DGLUCY: variants seen among roughly 807,000 people sequenced by gnomAD.
The protein encoded by DGLUCY is D-glutamate cyclase, mitochondrial.
In DGLUCY, 58 loss-of-function variants were observed where a neutral mutation model predicts 58.5. The ratio of observed to expected loss-of-function variants is 0.99; its 90% CI spans 0.80 to 1.23. The LOEUF is 1.23. Among genes scored for constraint, DGLUCY ranks in the 50% most tolerant of loss-of-function variants. The pLI is 0.00. For missense variants in DGLUCY, 779 were observed against 784.7 expected (o/e 0.99, Z 0.09); for synonymous variants, 325 against 314.1 (o/e 1.03, Z -0.37).
chr14:91,138,872 T>C (rs1286960000), intron 1 of DGLUCY, among the ~76,000 whole-genome samples: 1 of 152,096 alleles, frequency 6.6e-6, no homozygotes, highest in Non-Finnish European at 1.5e-5. Flanking sequence ...CTAAGTTATA[T>C]TGGCCTTCGA....
At chr14:91,189,328 C>T (rs982163040) in intron 9 of DGLUCY, among the ~76,000 whole-genome samples, 158 bp downstream of exon 9, 1 of 152,216 alleles carries the variant, frequency 6.6e-6, no homozygotes, top group African/African-American at 2.4e-5. Context: ...GAGACTGAGG[C>T]TCTGAGAGAT....
intron 1 of DGLUCY, among the ~76,000 whole-genome samples, chr14:91,121,920 C>T (rs1333176296): frequency 1.3e-5 from 2 of 152,122 alleles, no homozygotes; most frequent in African/African-American, 4.8e-5. Flanking sequence ...CATGTCTGCT[C>T]ATCTGTTTAT....
At chr14:91,149,077 G>A (rs923795271) in intron 1 of DGLUCY, among the ~76,000 whole-genome samples, 2 of 151,936 alleles carry the variant, frequency 1.3e-5, no homozygotes, top group African/African-American at 2.4e-5. Context: ...GAGAAACCCC[G>A]TCTCTACTAA....
intron 9 of DGLUCY, among the ~76,000 whole-genome samples, chr14:91,194,317 G>A (rs2050078876): frequency 6.6e-6 from 1 of 152,164 alleles, no homozygotes; most frequent in African/African-American, 2.4e-5. Flanking sequence ...TTGGCTCTAA[G>A]TTCAGCCCCC....
chr14:91,113,199 C>T (rs1030117967), upstream of DGLUCY, among the ~76,000 whole-genome samples: 2 of 152,132 alleles, frequency 1.3e-5, no homozygotes, highest in Non-Finnish European at 2.9e-5. Flanking sequence ...ACTGGGGAGG[C>T]TGAGGCAGAA....
chr14:91,188,553 T>C (rs1467424661), intron 8 of DGLUCY, among the ~76,000 whole-genome samples: 1 of 152,198 alleles, frequency 6.6e-6, no homozygotes, highest in Non-Finnish European at 1.5e-5. Flanking sequence ...TGGCTGGGTG[T>C]GGTGGCTCAC....
chr14:91,155,836 G>T (rs1595782728), intron 1 of DGLUCY, among the ~76,000 whole-genome samples: 1 of 150,412 alleles, frequency 6.6e-6, no homozygotes, highest in Non-Finnish European at 1.5e-5. Flanking sequence ...CAAAAGAGCA[G>T]AAAGCCTCTC....
rs192883980 is a variant in DGLUCY at position 91,084,837 on chromosome 14, C to G, written c.-82+24133C>G. ...CTCCTGCCTGCACTTCCGTTTTGTA[C>G]TCATGATGCTTATTTTTGTGTGTCA... On this transcript the variant is annotated intron_variant, in intron 1 of 4. Transcript: ENST00000521334. Among the ~76,000 whole-genome samples the G allele has an allele frequency of 2.2e-3, 336 of 152,284 alleles. 2 individuals are homozygous for G. The highest frequency in any genetic ancestry group is 3.8e-3 in the Non-Finnish European group (260 of 68,022).
chr14:91,144,257 T>G (rs540981661), intron 1 of DGLUCY, among the ~76,000 whole-genome samples: 2 of 152,234 alleles, frequency 1.3e-5, no homozygotes, highest in South Asian at 4.1e-4. Context: ...ATTTATCAGG[T>G]AACTATATAA....
intron 9 of DGLUCY, among the ~76,000 whole-genome samples, chr14:91,193,111 G>A (rs559527062): frequency 1.8e-4 from 27 of 152,296 alleles, no homozygotes; most frequent in Admixed American, 3.9e-4. Flanking sequence ...CCTGTGTTAA[G>A]AGGATGAGGA....
chr14:91,214,284 C>G (rs1886176565), intron 12 of DGLUCY, among the ~76,000 whole-genome samples: 1 of 152,290 alleles, frequency 6.6e-6, no homozygotes, highest in Admixed American at 6.5e-5. Flanking sequence ...TCGTGGTGCT[C>G]TAGCACTTAT....
At chr14:91,193,750 G>A (rs1221182287) in intron 9 of DGLUCY, among the ~76,000 whole-genome samples, 1 of 151,792 alleles carries the variant, frequency 6.6e-6, no homozygotes, top group Admixed American at 6.6e-5. Flanking sequence ...GCTGAGGCAG[G>A]AGAACCGCTT....
chr14:91,215,395 G>T lies in DGLUCY; in HGVS notation c.1565-10G>T. 6.3e-7 allele frequency: 1 copy of T among 1,586,678 alleles called. No homozygotes were observed. Among genetic ancestry groups the T allele is most frequent in the Non-Finnish European group, 8.6e-7 (1 of 1,162,968 alleles). On this transcript the variant is annotated splice_polypyrimidine_tract_variant and intron_variant, in intron 12 of 13. Coordinates refer to ENST00000256324, the MANE Select transcript of DGLUCY (RefSeq NM_001102368.3). ...CAACTCCATGATGGAATCTTGTTTT[G>T]CTGTTCTAGGTGTTTCTAACTGGGG...
chr14:91,145,586 C>T (rs541641330), intron 1 of DGLUCY, among the ~76,000 whole-genome samples: 1 of 152,242 alleles, frequency 6.6e-6, no homozygotes, highest in South Asian at 2.1e-4. Context: ...GGGTTGACAC[C>T]AATGGTACCC....
intron 1 of DGLUCY, among the ~76,000 whole-genome samples, chr14:91,089,257 C>A (rs2044270710): frequency 6.6e-6 from 1 of 152,110 alleles, no homozygotes; most frequent in Non-Finnish European, 1.5e-5. Flanking sequence ...TGCCAAATGT[C>A]CAACTCAGGA....
chr14:91,195,811 T>C (rs2050166907), intron 9 of DGLUCY, among the ~76,000 whole-genome samples: 1 of 151,754 alleles, frequency 6.6e-6, no homozygotes, highest in Admixed American at 6.6e-5. Context: ...GCTGGAACTA[T>C]AGGCGCTTGC....
intron 12 of DGLUCY, among the ~76,000 whole-genome samples, chr14:91,205,261 A>G (rs548303719): frequency 6.6e-6 from 1 of 152,294 alleles, no homozygotes; most frequent in Admixed American, 6.5e-5. Context: ...GAACAGTAAG[A>G]AAACTATCTG....
At chr14:91,099,424 T>G (rs2044447818) in intron 1 of DGLUCY, among the ~76,000 whole-genome samples, 1 of 151,284 alleles carries the variant, frequency 6.6e-6, no homozygotes, top group African/African-American at 2.4e-5. Flanking sequence ...TCCCAGCTAC[T>G]GGAGAGGCCG....
At chr14:91,081,657 G>C (rs1229354107) in intron 1 of DGLUCY, among the ~76,000 whole-genome samples, 1 of 152,126 alleles carries the variant, frequency 6.6e-6, no homozygotes, top group East Asian at 1.9e-4. Flanking sequence ...AAGGCTGTCT[G>C]CACTCCTTGC....
Sources: gnomAD v4.1 joint callset for allele counts (sites outside exome capture counted in the v4.1 genomes callset) on GRCh38, gnomAD v4.1.1 for gene constraint, MANE v1.5 for transcripts, NCBI Gene and HGNC (gene_info 2026-07-23, HGNC 2026-07-21) for gene names.